Variants in TIAM2 observed in about 807,000 individuals in gnomAD.
TIAM2 encodes rho guanine nucleotide exchange factor TIAM2.
Under a neutral mutation model 152.9 loss-of-function variants are expected in TIAM2, and 80 were observed. That is an observed-to-expected ratio of 0.52 (90% CI 0.44 to 0.63). The LOEUF (loss-of-function observed/expected upper bound fraction) is 0.63. Ranked by LOEUF, TIAM2 falls within the 30% of genes least tolerant of loss-of-function variation. TIAM2 has a pLI of 0.00. For synonymous variants in TIAM2, 804 were observed against 838.0 expected (o/e 0.96, Z 0.70); for missense variants, 1,965 against 2,120.1 (o/e 0.93, Z 1.44).
intron 12 of TIAM2, among the ~76,000 whole-genome samples, chr6:155,181,355 C>T (rs1025238085): frequency 6.6e-6 from 1 of 152,206 alleles, no homozygotes; most frequent in Non-Finnish European, 1.5e-5. Context: ...TTAAAATGCT[C>T]AACCCCAAAC....
At chr6:155,030,053 A>G (rs1239364905) in intron 1 of TIAM2, among the ~76,000 whole-genome samples, 1 of 152,176 alleles carries the variant, frequency 6.6e-6, no homozygotes, top group Non-Finnish European at 1.5e-5. Flanking sequence ...TTGGCCTCCC[A>G]GAGTGCTGGG....
chr6:155,099,555 A>G (rs923394450), intron 2 of TIAM2, among the ~76,000 whole-genome samples: 5 of 152,192 alleles, frequency 3.3e-5, no homozygotes, highest in Non-Finnish European at 5.9e-5. Flanking sequence ...AAGGCTCACA[A>G]ACGTGATGCA....
chr6:155,227,111 T>G (rs1782275643), intron 15 of TIAM2, among the ~76,000 whole-genome samples: 1 of 152,228 alleles, frequency 6.6e-6, no homozygotes. Flanking sequence ...TTGCACAAAG[T>G]GAAAAGATAC....
At position 155,023,853 on chromosome 6, in the gene TIAM2, A is replaced by G. The variant is rs186193568; in HGVS notation, c.-209+28361A>G. Reference sequence around the variant, plus strand: ...GGTTGGTTTGTACATTACTTAATTTATCGGGTCCTTACTCGTCTTTGCCTG... The same window carrying G: ...GGTTGGTTTGTACATTACTTAATTTGTCGGGTCCTTACTCGTCTTTGCCTG... On this transcript the variant is annotated intron_variant, in intron 1 of 26. Coordinates refer to ENST00000682666, the MANE Select transcript of TIAM2 (RefSeq NM_012454.4). 1.1e-3 allele frequency among the ~76,000 whole-genome samples: 167 copies of G among 152,274 alleles called. 1 individual carries two copies. The highest frequency in any genetic ancestry group is 1.6e-3 in the Admixed American group (25 of 15,286).
At chr6:155,211,668 TTG>T (rs1374222788) in intron 15 of TIAM2, among the ~76,000 whole-genome samples, 1 of 152,120 alleles carries the variant, frequency 6.6e-6, no homozygotes, top group African/African-American at 2.4e-5. Flanking sequence ...TTTTTTTTTT[TTG>T]GCTGAAGATA....
chr6:155,211,179 T>C lies in TIAM2; in HGVS notation c.3065-25T>C, dbSNP rs775148714. The C allele has an allele frequency of 5.6e-6, 9 of 1,604,596 alleles. No individual in the cohort carries two copies. The East Asian group carries it at 1.1e-4, about 20-fold the overall frequency. On this transcript the variant is annotated intron_variant, in intron 14 of 26. Transcript: ENST00000682666. ...TTCTCTGCAAATGGCCAAACTCATA[T>C]ATGTTTTTGTCATTTTTTATGCAGA...
Position 155,257,273 on chromosome 6 carries a change from GTTATT to G in TIAM2, c.*156_*160del, listed in dbSNP as rs1554249749. ...CCACAAAATGGTTGTAAAGATTTAA[GTTATT>G]TTAATTTATTGTGGATCAGAAACCT... On this transcript the variant is annotated 3_prime_UTR_variant, in exon 27 of 27. Transcript: ENST00000682666. 1 of 879,334 alleles carries G rather than the reference GTTATT, an allele frequency of 1.1e-6. No homozygotes were observed. The highest frequency in any genetic ancestry group is 1.7e-6 in the Non-Finnish European group (1 of 596,320). 54.5% of individuals were successfully genotyped at this position (879,334 alleles called of 1,614,324 possible).
At chr6:155,254,839 G>A (rs1783901462) in intron 26 of TIAM2, 1 of 379,312 alleles carries the variant, frequency 2.6e-6, no homozygotes, top group South Asian at 4.2e-5. Flanking sequence ...ATGTGCATGG[G>A]TCCAGGGACT....
intron 2 of TIAM2, among the ~76,000 whole-genome samples, chr6:155,104,191 C>A (rs1364159317): frequency 6.6e-6 from 1 of 151,886 alleles, no homozygotes; most frequent in African/African-American, 2.4e-5. Context: ...CTTGTGCTGC[C>A]GCCTGTTGCT....
At chr6:155,056,462 G>A (rs1039317725) in intron 1 of TIAM2, among the ~76,000 whole-genome samples, 2 of 151,736 alleles carry the variant, frequency 1.3e-5, no homozygotes, top group Non-Finnish European at 2.9e-5. Context: ...GTGAGCCACC[G>A]CGCCTGGCCC....
At chr6:155,107,952 CA>C (rs1299102181) in intron 2 of TIAM2, among the ~76,000 whole-genome samples, 1 of 152,124 alleles carries the variant, frequency 6.6e-6, no homozygotes, top group Non-Finnish European at 1.5e-5. Flanking sequence ...ATGTAATTCG[CA>C]GAAAATTGGT....
At chr6:155,090,489 T>C (rs1778277295) in intron 2 of TIAM2, 110 bp downstream of exon 2, 1 of 152,218 alleles carries the variant, frequency 6.6e-6, no homozygotes, top group Non-Finnish European at 1.5e-5. Context: ...GCACTTTGTA[T>C]GAGAAGTTGA....
At chr6:155,051,010 ATAATT>A (rs979645083) in intron 1 of TIAM2, among the ~76,000 whole-genome samples, 2 of 152,176 alleles carry the variant, frequency 1.3e-5, no homozygotes, top group African/African-American at 4.8e-5. Context: ...CCTGAGTTAA[ATAATT>A]AAAGTGTTTG....
intron 7 of TIAM2, among the ~76,000 whole-genome samples, chr6:155,153,385 T>A (rs2115075938): frequency 6.6e-6 from 1 of 152,066 alleles, no homozygotes; most frequent in African/African-American, 2.4e-5. Flanking sequence ...GGCTGGAGGT[T>A]CATTTGAGGC....
intron 4 of TIAM2, among the ~76,000 whole-genome samples, chr6:155,132,154 ATTAT>A (rs1259134017): frequency 2.7e-5 from 4 of 149,494 alleles, no homozygotes; most frequent in Admixed American, 6.7e-5. Context: ...TTTATTTTTG[ATTAT>A]TTATATAGGG....
intron 14 of TIAM2, among the ~76,000 whole-genome samples, chr6:155,187,502 G>A (rs892236770): frequency 6.6e-6 from 1 of 151,458 alleles, no homozygotes; most frequent in African/African-American, 2.4e-5. Context: ...GCAGATTCCA[G>A]GGTTTTGCTG....
intron 15 of TIAM2, 148 bp downstream of exon 15, chr6:155,211,455 C>T: frequency 3.3e-6 from 2 of 597,704 alleles, no homozygotes; most frequent in South Asian, 2.1e-5. Context: ...AAGGATACAG[C>T]TTCCTTATTT....
At chr6:155,052,463 G>A (rs888370849) in intron 1 of TIAM2, among the ~76,000 whole-genome samples, 1 of 151,798 alleles carries the variant, frequency 6.6e-6, no homozygotes, top group African/African-American at 2.4e-5. Flanking sequence ...AATAACCAAA[G>A]GATTAAGAAA....
At chr6:155,155,949 T>C (rs1318684098) in intron 7 of TIAM2, among the ~76,000 whole-genome samples, 1 of 152,174 alleles carries the variant, frequency 6.6e-6, no homozygotes, top group Non-Finnish European at 1.5e-5. Context: ...TCAGTGACAG[T>C]GGCACCTGCT....
Sources: gnomAD v4.1 joint callset for allele counts (sites outside exome capture counted in the v4.1 genomes callset) on GRCh38, gnomAD v4.1.1 for gene constraint, MANE v1.5 for transcripts, NCBI Gene and HGNC (gene_info 2026-07-23, HGNC 2026-07-21) for gene names.